ROBO2: variants seen among roughly 807,000 people sequenced by gnomAD.
ROBO2 encodes roundabout guidance receptor 2.
ROBO2 carries 53 observed loss-of-function variants against 160.8 expected under a neutral mutation model. The observed-to-expected ratio is 0.33, with a 90% confidence interval of 0.26 to 0.41. The LOEUF is 0.41. Among genes scored for constraint, ROBO2 ranks in the 10% least tolerant of loss-of-function variants. The probability of loss-of-function intolerance (pLI) is 1.00; values close to 1 mark genes in which losing one functional copy is unlikely to be tolerated. For synonymous variants in ROBO2, 664 were observed against 611.7 expected (o/e 1.09, Z -1.26); for missense variants, 1,577 against 1,722.4 (o/e 0.92, Z 1.49).
intron 5 of ROBO2, among the ~76,000 whole-genome samples, chr3:77,517,743 T>C (rs1290537638): frequency 1.3e-5 from 2 of 151,354 alleles, no homozygotes; most frequent in Non-Finnish European, 1.5e-5. Flanking sequence ...GCATTCTGAG[T>C]AACATGATGA....
chr3:75,930,797 G>T (rs372042216), intron 1 of ROBO2, among the ~76,000 whole-genome samples: 1 of 151,960 alleles, frequency 6.6e-6, no homozygotes, highest in African/African-American at 2.4e-5. Flanking sequence ...AAATATTTTG[G>T]TTCCAAATAT....
intron 2 of ROBO2, among the ~76,000 whole-genome samples, chr3:76,540,464 C>A (rs996644642): frequency 1.3e-5 from 2 of 152,196 alleles, no homozygotes; most frequent in Non-Finnish European, 2.9e-5. Flanking sequence ...TTAAGCTGTT[C>A]TTTGCTACTA....
chr3:75,965,479 C>T (rs13089638), intron 2 of ROBO2, among the ~76,000 whole-genome samples: 1,322 of 124,778 alleles, frequency 0.011, 2 homozygotes, highest in Admixed American at 0.013. Context: ...GCGCAGGGAT[C>T]TTTGTCCTTT....
chr3:76,591,231 A>T (rs1284976866), intron 2 of ROBO2, among the ~76,000 whole-genome samples: 1 of 152,154 alleles, frequency 6.6e-6, no homozygotes, highest in African/African-American at 2.4e-5. Context: ...AGAAAATCAT[A>T]AGAAAGAGAA....
At chr3:76,837,305 T>C (rs1326827231) in intron 2 of ROBO2, among the ~76,000 whole-genome samples, 1 of 151,862 alleles carries the variant, frequency 6.6e-6, no homozygotes, top group Non-Finnish European at 1.5e-5. Context: ...CTAAAAACCA[T>C]TCACTAATAT....
At chr3:76,441,749 T>G (rs1282250432) in intron 2 of ROBO2, among the ~76,000 whole-genome samples, 4 of 152,206 alleles carry the variant, frequency 2.6e-5, no homozygotes, top group Non-Finnish European at 5.9e-5. Flanking sequence ...AAATTAAATG[T>G]CAAGCCAATT....
chr3:76,602,346 C>T (rs1283823283), intron 2 of ROBO2, among the ~76,000 whole-genome samples: 2 of 152,152 alleles, frequency 1.3e-5, no homozygotes, highest in Non-Finnish European at 2.9e-5. Flanking sequence ...TTTTGGGTAT[C>T]TTTTCAGCAA....
Position 76,600,998 on chromosome 3 carries a change from T to C in ROBO2, c.110-497016T>C, listed in dbSNP as rs111701227. On this transcript the variant is annotated intron_variant, in intron 2 of 26. Coordinates refer to the ROBO2 transcript ENST00000487694. ...ATACAGCCATTGCAAATGGGAGACA[T>C]TGGCCAAAACAAAGGAGCTACAGGC... Among the ~76,000 whole-genome samples the C allele has an allele frequency of 5.6e-3, 851 of 152,162 alleles. 10 individuals are homozygous for C. Among genetic ancestry groups the C allele is most frequent in the African/African-American group, 0.019 (769 of 41,518 alleles).
At chr3:77,361,982 T>C (rs753640677) in intron 2 of ROBO2, among the ~76,000 whole-genome samples, 1 of 152,172 alleles carries the variant, frequency 6.6e-6, no homozygotes, top group Admixed American at 6.6e-5. Flanking sequence ...CTTGCCTTAA[T>C]GATATTTATA....
chr3:76,420,964 T>C (rs1039241465), intron 2 of ROBO2, among the ~76,000 whole-genome samples: 5 of 152,196 alleles, frequency 3.3e-5, no homozygotes, highest in Admixed American at 6.5e-5. Context: ...AAGAAATAGT[T>C]TGTATTCAGC....
chr3:76,132,394 TGGGG>T lies in ROBO2; in HGVS notation c.109+194803_109+194806del, dbSNP rs11457451. Among the ~76,000 whole-genome samples the T allele has an allele frequency of 6.2e-3, 202 of 32,418 alleles. 4 individuals carry two copies. Among genetic ancestry groups the T allele is most frequent in the East Asian group, 0.012 (33 of 2,718 alleles). The allele number at this position is 32,418 out of a possible 152,430, so 21.3% of individuals were successfully genotyped here. A position where few individuals can be genotyped will look rare whatever the true frequency, so the allele number is the denominator to read the frequency against. On this transcript the variant is annotated intron_variant, in intron 2 of 26. Coordinates refer to the ROBO2 transcript ENST00000487694. The stretch of plus-strand genomic sequence containing the variant: ...AACACCTGCCCAAATTCCAGACTGT[TGGGG>T]GGGGGGGGGGACGCAGATGTTCAGC...
intron 2 of ROBO2, among the ~76,000 whole-genome samples, chr3:76,806,138 C>G (rs2064685766): frequency 6.6e-6 from 1 of 151,306 alleles, no homozygotes; most frequent in African/African-American, 2.4e-5. Flanking sequence ...GTCTTTATGT[C>G]AAATTCTTTT....
At chr3:76,479,621 G>A (rs2079107213) in intron 2 of ROBO2, among the ~76,000 whole-genome samples, 1 of 152,170 alleles carries the variant, frequency 6.6e-6, no homozygotes, top group Non-Finnish European at 1.5e-5. Flanking sequence ...GTAGTGTGCA[G>A]TCAGCAGAAG....
chr3:77,125,872 G>T (rs559580892), intron 2 of ROBO2, among the ~76,000 whole-genome samples: 12 of 152,070 alleles, frequency 7.9e-5, no homozygotes, highest in Non-Finnish European at 1.5e-5. Context: ...TAAAAATATG[G>T]CTATGTTTAG....
chr3:76,946,039 G>T (rs4855994), intron 2 of ROBO2, among the ~76,000 whole-genome samples: 1 of 151,984 alleles, frequency 6.6e-6, no homozygotes, highest in Non-Finnish European at 1.5e-5. Context: ...TTTTGTAGTC[G>T]TATAAATATT....
chr3:76,329,209 G>A (rs1196617222), intron 2 of ROBO2, among the ~76,000 whole-genome samples: 4 of 152,100 alleles, frequency 2.6e-5, no homozygotes, highest in South Asian at 4.2e-4. Context: ...GAAGGAGCCC[G>A]GGACTTTTTT....
intron 2 of ROBO2, among the ~76,000 whole-genome samples, chr3:77,473,608 T>G (rs1461737851): frequency 2.0e-5 from 3 of 151,680 alleles, no homozygotes; most frequent in Non-Finnish European, 4.4e-5. Context: ...CACCCGCCAC[T>G]GCGCCAGGCT....
intron 2 of ROBO2, among the ~76,000 whole-genome samples, chr3:76,750,305 T>C (rs1400571548): frequency 6.6e-6 from 1 of 152,078 alleles, no homozygotes; most frequent in Non-Finnish European, 1.5e-5. Context: ...CTCAAAATAA[T>C]GAGAGCTATT....
At chr3:76,026,023 T>G in intron 2 of ROBO2, among the ~76,000 whole-genome samples, 1 of 151,964 alleles carries the variant, frequency 6.6e-6, no homozygotes, top group East Asian at 1.9e-4. Flanking sequence ...GCAAAACTGT[T>G]GCATATACTT....
Sources: gnomAD v4.1 joint callset for allele counts (sites outside exome capture counted in the v4.1 genomes callset) on GRCh38, gnomAD v4.1.1 for gene constraint, MANE v1.5 for transcripts, NCBI Gene and HGNC (gene_info 2026-07-23, HGNC 2026-07-21) for gene names.